The following NRXN1 variants were observed in gnomAD, a reference collection of about 807,000 sequenced individuals.
NRXN1 encodes neurexin 1.
Under a neutral mutation model 150.9 loss-of-function variants are expected in NRXN1, and 39 were observed. The ratio of observed to expected loss-of-function variants is 0.26; its 90% CI spans 0.20 to 0.34. The LOEUF is 0.34. Among genes scored for constraint, NRXN1 ranks in the 10% least tolerant of loss-of-function variants. NRXN1 has a pLI of 1.00. For synonymous variants in NRXN1, 924 were observed against 757.0 expected (o/e 1.22, Z -3.62); for missense variants, 1,815 against 1,949.9 (o/e 0.93, Z 1.30).
In NRXN1 at chr2:50,755,162, T is replaced by C. The variant is rs575623760; in HGVS notation, c.833-131547A>G. The stretch of plus-strand genomic sequence containing the variant: ...GAGAACTGCTCCACTGGACATACTT[T>C]AGGGGACTGTAAACTTCATTATAGC... On this transcript the variant is annotated intron_variant, in intron 5 of 22. Transcript: ENST00000401669. Among the ~76,000 whole-genome samples the C allele has an allele frequency of 6.3e-4, 95 of 151,948 alleles. 4 individuals are homozygous for C. The South Asian group carries it at 0.019, about 30-fold the overall frequency.
At chr2:50,284,479 C>A (rs2071857195) in intron 17 of NRXN1, among the ~76,000 whole-genome samples, 1 of 152,102 alleles carries the variant, frequency 6.6e-6, no homozygotes, top group South Asian at 2.1e-4. Flanking sequence ...AATTACAACA[C>A]CTTGGGGATT....
intron 2 of NRXN1, among the ~76,000 whole-genome samples, chr2:50,986,281 T>C (rs1697690449): frequency 6.6e-6 from 1 of 151,724 alleles, no homozygotes; most frequent in Non-Finnish European, 1.5e-5. Flanking sequence ...TAACGTAAAT[T>C]GGCAGTAGTT....
At chr2:50,279,993 G>C (rs1053727919) in intron 17 of NRXN1, among the ~76,000 whole-genome samples, 6 of 151,974 alleles carry the variant, frequency 3.9e-5, no homozygotes, top group Non-Finnish European at 7.4e-5. Context: ...AGCTAAGCAG[G>C]GCTTGCATAA....
chr2:51,027,480 T>G (rs761994300), intron 2 of NRXN1, 22 bp downstream of exon 2: 3 of 1,492,852 alleles, frequency 2.0e-6, no homozygotes, highest in Non-Finnish European at 2.7e-6. Context: ...CCGGCCCCCG[T>G]GGGTCGGGCG....
At chr2:50,535,304 G>C (rs1221730485) in intron 10 of NRXN1, among the ~76,000 whole-genome samples, 1 of 152,218 alleles carries the variant, frequency 6.6e-6, no homozygotes, top group Non-Finnish European at 1.5e-5. Flanking sequence ...GAGAAAACCA[G>C]TTTCAACTTT....
chr2:50,702,281 T>G (rs1280313600), intron 5 of NRXN1, among the ~76,000 whole-genome samples: 1 of 151,928 alleles, frequency 6.6e-6, no homozygotes, highest in African/African-American at 2.4e-5. Flanking sequence ...ATGAGCATCC[T>G]ACAGGCCATT....
At chr2:50,434,030 C>T (rs78506817) in intron 17 of NRXN1, among the ~76,000 whole-genome samples, 1,517 of 145,676 alleles carry the variant, frequency 0.01, 44 homozygotes, top group African/African-American at 0.037. Context: ...TCCTTGCTTC[C>T]GGTATCTAAG....
chr2:50,546,259 T>C (rs2093491885), intron 9 of NRXN1, among the ~76,000 whole-genome samples: 2 of 152,308 alleles, frequency 1.3e-5, no homozygotes, highest in South Asian at 4.1e-4. Context: ...CTCAGTTAAA[T>C]GACCTGCCTC....
At chr2:50,879,603 A>G (rs1395114640) in intron 5 of NRXN1, among the ~76,000 whole-genome samples, 2 of 152,044 alleles carry the variant, frequency 1.3e-5, no homozygotes, top group Admixed American at 6.6e-5. Flanking sequence ...GGAAAAGAAT[A>G]GGGGAGGATA....
At position 50,731,162 on chromosome 2, in the gene NRXN1, T is replaced by C. The variant is rs1484025653; in HGVS notation, c.833-107547A>G. On this transcript the variant is annotated intron_variant, in intron 5 of 22. Transcript: ENST00000401669. ...TTAAGAAACACCAATGAAATTAAAGTTTGGCTATTACTTTCACATAATACA... is the reference window on the plus strand; with the variant it reads ...TTAAGAAACACCAATGAAATTAAAGCTTGGCTATTACTTTCACATAATACA... Among the ~76,000 whole-genome samples the C allele has an allele frequency of 2.0e-5, 3 of 152,170 alleles. No homozygotes were observed. In the South Asian group the frequency reaches 6.2e-4, roughly 31 times the overall value.
At chr2:49,965,814 C>T (rs966610700) in intron 21 of NRXN1, among the ~76,000 whole-genome samples, 3 of 152,182 alleles carry the variant, frequency 2.0e-5, no homozygotes, top group African/African-American at 4.8e-5. Flanking sequence ...TTAGGAACCA[C>T]ACTGTACTTT....
chr2:50,326,451 C>T (rs1055252914), intron 17 of NRXN1, among the ~76,000 whole-genome samples: 9 of 152,032 alleles, frequency 5.9e-5, no homozygotes, highest in South Asian at 2.1e-4. Flanking sequence ...TAATTTCTTA[C>T]GATAACACTT....
intron 17 of NRXN1, among the ~76,000 whole-genome samples, chr2:50,370,047 C>G (rs1422719782): frequency 6.6e-6 from 1 of 151,982 alleles, no homozygotes; most frequent in African/African-American, 2.4e-5. Context: ...CAATTTCTAC[C>G]TCTTTTCATT....
At chr2:50,961,456 G>T (rs1693181118) in intron 2 of NRXN1, among the ~76,000 whole-genome samples, 1 of 151,700 alleles carries the variant, frequency 6.6e-6, no homozygotes. Flanking sequence ...TACTGACCAA[G>T]GCTATAGATG....
At chr2:50,667,628 C>T (rs1688259519) in intron 5 of NRXN1, among the ~76,000 whole-genome samples, 1 of 151,920 alleles carries the variant, frequency 6.6e-6, no homozygotes, top group East Asian at 1.9e-4. Context: ...TTATATCCAT[C>T]CTTTAATGCT....
chr2:50,742,325 A>C (rs2105278939), intron 5 of NRXN1, among the ~76,000 whole-genome samples: 1 of 151,926 alleles, frequency 6.6e-6, no homozygotes, highest in South Asian at 2.1e-4. Flanking sequence ...CATAGAGTAC[A>C]TCACTTCTGC....
intron 21 of NRXN1, among the ~76,000 whole-genome samples, chr2:50,010,812 C>T (rs756043715): frequency 2.6e-5 from 4 of 152,012 alleles, no homozygotes; most frequent in Non-Finnish European, 4.4e-5. Flanking sequence ...AGAAAGCTAC[C>T]CTGAAGCATT....
chr2:50,519,225 T>C (rs2092712873), intron 12 of NRXN1, among the ~76,000 whole-genome samples: 3 of 151,922 alleles, frequency 2.0e-5, no homozygotes, highest in Admixed American at 6.6e-5. Flanking sequence ...AATGATATAA[T>C]TATTAGCTAA....
rs186130132 is a variant in NRXN1, at chr2:51,010,295, G to C, written c.772+17207C>G. On this transcript the variant is annotated intron_variant, in intron 2 of 22. Coordinates refer to ENST00000401669, the MANE Select transcript of NRXN1 (RefSeq NM_001330078.2). ...TTCACTGAAAACAGCAAAACACCTG[G>C]TCTTTACAGGTTATGTGCCTTTTTA... Among the ~76,000 whole-genome samples, 243 of 151,972 alleles carry C rather than the reference G, an allele frequency of 1.6e-3. 4 individuals are homozygous for C. Among genetic ancestry groups the C allele is most frequent in the Non-Finnish European group, 6.3e-4 (43 of 67,910 alleles).
Sources: gnomAD v4.1 joint callset for allele counts (sites outside exome capture counted in the v4.1 genomes callset) on GRCh38, gnomAD v4.1.1 for gene constraint, MANE v1.5 for transcripts, NCBI Gene and HGNC (gene_info 2026-07-23, HGNC 2026-07-21) for gene names.